The following SGCZ variants were observed in gnomAD, a reference collection of about 807,000 sequenced individuals.
SGCZ encodes zeta-sarcoglycan.
SGCZ carries 40 observed loss-of-function variants against 41.3 expected under a neutral mutation model. That is an observed-to-expected ratio of 0.97 (90% CI 0.75 to 1.26). The LOEUF (loss-of-function observed/expected upper bound fraction) is 1.26. SGCZ is among the 50% of genes most tolerant of loss of function. The pLI is 0.00. For synonymous variants in SGCZ, 206 were observed against 137.5 expected (o/e 1.50, Z -3.49); for missense variants, 552 against 369.8 (o/e 1.49, Z -4.04).
intron 2 of SGCZ, among the ~76,000 whole-genome samples, chr8:14,371,930 C>T (rs1803926299): frequency 6.6e-6 from 1 of 151,934 alleles, no homozygotes; most frequent in Non-Finnish European, 1.5e-5. Context: ...CTGGAATAAA[C>T]TAGAGATCAA....
chr8:14,611,118 A>C (rs569321545), intron 1 of SGCZ, among the ~76,000 whole-genome samples: 23 of 152,310 alleles, frequency 1.5e-4, no homozygotes, highest in Non-Finnish European at 2.4e-4. Context: ...ATTATCTAAA[A>C]TGTCTATTTT....
chr8:14,355,438 A>G (rs1328343088), intron 2 of SGCZ, among the ~76,000 whole-genome samples: 2 of 152,118 alleles, frequency 1.3e-5, no homozygotes, highest in Admixed American at 1.3e-4. Flanking sequence ...ATTCTTTAAC[A>G]AATACTGGCC....
chr8:14,814,038 G>A (rs938547560), intron 1 of SGCZ, among the ~76,000 whole-genome samples: 2 of 152,094 alleles, frequency 1.3e-5, no homozygotes, highest in African/African-American at 2.4e-5. Context: ...GGAGGCCCTA[G>A]CACAGTATGC....
chr8:14,314,862 T>A (rs530725576), intron 3 of SGCZ, among the ~76,000 whole-genome samples: 1 of 152,280 alleles, frequency 6.6e-6, no homozygotes, highest in East Asian at 1.9e-4. Context: ...CACCACTGGG[T>A]GTCTCTTAAC....
chr8:14,099,121 G>C (rs537425142), intron 7 of SGCZ, among the ~76,000 whole-genome samples: 1 of 152,234 alleles, frequency 6.6e-6, no homozygotes, highest in African/African-American at 2.4e-5. Flanking sequence ...TAAGATTAAA[G>C]GGGCTGCTAT....
chr8:14,928,033 C>CT (rs1799809957), intron 1 of SGCZ, among the ~76,000 whole-genome samples: 1 of 152,190 alleles, frequency 6.6e-6, no homozygotes, highest in African/African-American at 2.4e-5. Flanking sequence ...GTTTGTCCAG[C>CT]ATCTGCCAGA....
At chr8:14,133,419 G>C (rs868286919) in intron 5 of SGCZ, among the ~76,000 whole-genome samples, 59 of 152,234 alleles carry the variant, frequency 3.9e-4, no homozygotes, top group African/African-American at 1.3e-3. Flanking sequence ...CTAGAGTTCT[G>C]AGACAGATGA....
rs1467277610 is a variant in SGCZ, at chr8:14,624,575, T to A, written c.40-69649A>T. Among the ~76,000 whole-genome samples the A allele has an allele frequency of 4.1e-3, 554 of 135,860 alleles. 10 individuals are homozygous for A. Among genetic ancestry groups the A allele is most frequent in the Non-Finnish European group, 4.9e-3 (312 of 63,130 alleles). The allele number at this position is 135,860 out of a possible 152,430, so 89.1% of individuals were successfully genotyped here. A position where few individuals can be genotyped will look rare whatever the true frequency, so the allele number is the denominator to read the frequency against. ...TTATTATTTTTTTTTTTTTTTTTTTTTTTTTTTTTTTTTGAGACGGAGTCT... is the reference window on the plus strand; with the variant it reads ...TTATTATTTTTTTTTTTTTTTTTTTATTTTTTTTTTTTTGAGACGGAGTCT... On this transcript the variant is annotated intron_variant, in intron 1 of 7. Coordinates refer to ENST00000382080, the MANE Select transcript of SGCZ (RefSeq NM_139167.4).
chr8:14,604,599 A>G (rs1805690639), intron 1 of SGCZ, among the ~76,000 whole-genome samples: 1 of 152,168 alleles, frequency 6.6e-6, no homozygotes, highest in Non-Finnish European at 1.5e-5. Flanking sequence ...GCCCTATAAA[A>G]GGATTATCAT....
At chr8:14,516,900 A>C (rs1382408154) in intron 2 of SGCZ, among the ~76,000 whole-genome samples, 1 of 152,076 alleles carries the variant, frequency 6.6e-6, no homozygotes, top group Non-Finnish European at 1.5e-5. Context: ...GCTGACACCA[A>C]GAGTATATGG....
intron 3 of SGCZ, among the ~76,000 whole-genome samples, chr8:14,262,618 G>T (rs1260639565): frequency 2.0e-5 from 3 of 151,522 alleles, no homozygotes; most frequent in Non-Finnish European, 4.4e-5. Context: ...AATCTACATT[G>T]TAGCGCTCAA....
intron 4 of SGCZ, among the ~76,000 whole-genome samples, chr8:14,166,685 A>T (rs1804221612): frequency 6.6e-6 from 1 of 152,172 alleles, no homozygotes; most frequent in Non-Finnish European, 1.5e-5. Flanking sequence ...ACCCACACAC[A>T]CATAATACCA....
At chr8:14,650,993 C>T (rs899741228) in intron 1 of SGCZ, among the ~76,000 whole-genome samples, 2 of 151,794 alleles carry the variant, frequency 1.3e-5, no homozygotes, top group African/African-American at 4.8e-5. Context: ...AACTATAAAA[C>T]CAAGTCTATT....
At chr8:14,799,895 T>C (rs1191427127) in intron 1 of SGCZ, among the ~76,000 whole-genome samples, 1 of 152,016 alleles carries the variant, frequency 6.6e-6, no homozygotes, top group African/African-American at 2.4e-5. Flanking sequence ...GAAATGGAGG[T>C]TGGATACACA....
At chr8:14,834,712 T>C (rs898459663) in intron 1 of SGCZ, among the ~76,000 whole-genome samples, 5 of 152,190 alleles carry the variant, frequency 3.3e-5, no homozygotes, top group African/African-American at 7.2e-5. Context: ...CCAACTAATT[T>C]TGAAGAAGTC....
intron 1 of SGCZ, among the ~76,000 whole-genome samples, chr8:15,172,088 G>A (rs2117065385): frequency 7.0e-6 from 1 of 143,256 alleles, no homozygotes; most frequent in South Asian, 2.3e-4. Context: ...AGCCCGTTAA[G>A]CAAAATAGAA....
chr8:14,643,668 G>T (rs1470449122), intron 1 of SGCZ, among the ~76,000 whole-genome samples: 2 of 151,656 alleles, frequency 1.3e-5, no homozygotes, highest in Non-Finnish European at 3.0e-5. Flanking sequence ...ATCACTAAAA[G>T]TGTTGATGAT....
At chr8:14,668,072 T>G (rs1807973822) in intron 1 of SGCZ, among the ~76,000 whole-genome samples, 2 of 152,140 alleles carry the variant, frequency 1.3e-5, no homozygotes, top group Non-Finnish European at 2.9e-5. Flanking sequence ...TTCTCCTGCC[T>G]CAGCCTCCCG....
intron 1 of SGCZ, among the ~76,000 whole-genome samples, chr8:15,133,078 G>A (rs1252427654): frequency 6.6e-6 from 1 of 152,076 alleles, no homozygotes; most frequent in African/African-American, 2.4e-5. Context: ...AAGAGGTGGA[G>A]GTTGCAGTGA....
Sources: gnomAD v4.1 joint callset for allele counts (sites outside exome capture counted in the v4.1 genomes callset) on GRCh38, gnomAD v4.1.1 for gene constraint, MANE v1.5 for transcripts, NCBI Gene and HGNC (gene_info 2026-07-23, HGNC 2026-07-21) for gene names.